Variants in EIF2S3 observed in about 807,000 individuals in gnomAD.
EIF2S3 encodes eukaryotic translation initiation factor 2 subunit 3.
A neutral mutation model predicts 31.7 loss-of-function variants in EIF2S3; 2 were observed. That is an observed-to-expected ratio of 0.06 (90% CI 0.03 to 0.20). EIF2S3 has a LOEUF of 0.20. Ranked by LOEUF, EIF2S3 falls within the 10% of genes least tolerant of loss-of-function variation. The probability of loss-of-function intolerance (pLI) is 1.00; values close to 1 mark genes in which losing one functional copy is unlikely to be tolerated. For synonymous variants in EIF2S3, 120 were observed against 126.7 expected (o/e 0.95, Z 0.36); for missense variants, 96 against 359.3 (o/e 0.27, Z 5.92).
Position 24,076,924 on chromosome X carries a change from C to CTTTTTTTTTTT in EIF2S3, c.*140_*141insTTTTTTTTTTT, listed in dbSNP as rs747088489. ...CTTAGTAGGTAACGGTAAGGTTATTCTCTTTTTTTTTTTTTTTTTTTTTGG... is the reference window on the plus strand; with the variant it reads ...CTTAGTAGGTAACGGTAAGGTTATTCTTTTTTTTTTTTCTTTTTTTTTTTTTTTTTTTTTGG... On this transcript the variant is annotated 3_prime_UTR_variant, in exon 12 of 12. Transcript: ENST00000253039. 2 of 117,649 alleles carry CTTTTTTTTTTT rather than the reference C, an allele frequency of 1.7e-5. No homozygotes were observed. The highest frequency in any genetic ancestry group is 1.8e-4 in the African/African-American group (2 of 11,089). 9.7% of individuals were successfully genotyped at this position (117,649 alleles called of 1,213,427 possible).
At chrX:24,058,543 T>C (rs201309307) in intron 4 of EIF2S3, among the ~76,000 whole-genome samples, 5 of 57,517 alleles carry the variant, frequency 8.7e-5, no homozygotes, top group South Asian at 5.9e-4. Flanking sequence ...TTTCTTTTTT[T>C]TTTTTTTTTT....
At chrX:24,066,734 G>A (rs1650805138) in intron 8 of EIF2S3, among the ~76,000 whole-genome samples, 1 of 110,740 alleles carries the variant, frequency 9.0e-6, no homozygotes, top group South Asian at 3.7e-4. Context: ...GGCTGGTCTT[G>A]AACTCCTTAC....
intron 11 of EIF2S3, 80 bp downstream of exon 11, chrX:24,073,343 T>C: frequency 9.2e-7 from 1 of 1,092,603 alleles, no homozygotes; most frequent in East Asian, 3.0e-5. Flanking sequence ...CAATCTTCCT[T>C]GAGGACAACA....
chrX:24,073,062 G>A (rs1452387474), intron 10 of EIF2S3, 29 bp from the exon 11 acceptor site: 2 of 1,178,741 alleles, frequency 1.7e-6, no homozygotes, highest in African/African-American at 3.6e-5. Context: ...TGATTTTGGG[G>A]TTTATTTTTC....
chrX:24,057,606 CAA>C, intron 3 of EIF2S3, 25 bp from the exon 4 acceptor site: 4 of 1,209,396 alleles, frequency 3.3e-6, no homozygotes, highest in Non-Finnish European at 4.5e-6. Flanking sequence ...GATAACAAAT[CAA>C]AATCTTTTTT....
chrX:24,059,793 A>G (rs535871749), intron 4 of EIF2S3, among the ~76,000 whole-genome samples: 2 of 111,863 alleles, frequency 1.8e-5, no homozygotes, highest in Non-Finnish European at 3.8e-5. Flanking sequence ...TTTAGCTTTC[A>G]AATCAATGAC....
chrX:24,055,009 A>G lies in EIF2S3; in HGVS notation c.41A>G (p.His14Arg). The G allele has an allele frequency of 8.3e-7, 1 of 1,211,114 alleles. No individual in the cohort carries two copies. Residue 14 changes from histidine to arginine, a missense_variant, in exon 1 of 12, where the codon CAT (histidine) becomes CGT (arginine). His to Arg is a conservative substitution (Grantham distance 29). Coordinates refer to ENST00000253039, the MANE Select transcript of EIF2S3 (RefSeq NM_001415.4). ...GCTGGAGTGACTCTAGGGCAGCCGC[A>G]TCTTTCGCGTCAGGATCTCACCACC... ...GEAGVTLGQP[H>R]LSRQDLTTLD...
chrX:24,058,334 A>G (rs1432824103), intron 4 of EIF2S3, among the ~76,000 whole-genome samples: 1 of 111,449 alleles, frequency 9.0e-6, no homozygotes, highest in African/African-American at 3.3e-5. Flanking sequence ...AGTAATTAGG[A>G]TAAATATTTT....
At chrX:24,058,096 C>G (rs1602040292) in intron 4 of EIF2S3, among the ~76,000 whole-genome samples, 1 of 112,307 alleles carries the variant, frequency 8.9e-6, no homozygotes, top group Non-Finnish European at 1.9e-5. Flanking sequence ...CTAATTACTT[C>G]TCTAAAACAC....
chrX:24,074,708 A>G (rs1303181761), intron 11 of EIF2S3, among the ~76,000 whole-genome samples: 1 of 110,030 alleles, frequency 9.1e-6, no homozygotes, highest in East Asian at 2.8e-4. Context: ...TAGTTATAAT[A>G]TGGACTCATG....
At position 24,062,587 on chromosome X, in the gene EIF2S3, A is replaced by G. The variant is rs759497307; in HGVS notation, c.637+13A>G. The G allele has an allele frequency of 8.3e-6, 10 of 1,203,420 alleles. No homozygotes were observed. The highest frequency in any genetic ancestry group is 1.1e-5 in the Non-Finnish European group (10 of 891,719). ...GCATTTGTCCAAGGTAAGAAGCCAT[A>G]ATATGAAATAAATCTATGAATCACT... On this transcript the variant is annotated intron_variant, in intron 6 of 11. Transcript: ENST00000253039.
chrX:24,070,439 G>GT (rs768908773), intron 9 of EIF2S3, among the ~76,000 whole-genome samples: 30,689 of 50,757 alleles, frequency 0.6, 10,575 homozygotes, highest in Non-Finnish European at 0.76. Context: ...ATCATATGTA[G>GT]TTTTTTTTTT....
At chrX:24,071,028 G>A (rs991120973) in intron 9 of EIF2S3, among the ~76,000 whole-genome samples, 1 of 111,070 alleles carries the variant, frequency 9.0e-6, no homozygotes, top group African/African-American at 3.3e-5. Flanking sequence ...CAAGAGAATC[G>A]TTCTGTTCTC....
intron 4 of EIF2S3, among the ~76,000 whole-genome samples, chrX:24,058,399 A>G (rs1019208253): frequency 2.7e-5 from 3 of 111,823 alleles, no homozygotes; most frequent in African/African-American, 9.7e-5. Flanking sequence ...AGAATTTTAA[A>G]TAAGGGCAGA....
chrX:24,073,460 A>G (rs778947600), intron 11 of EIF2S3, 197 bp downstream of exon 11: 1 of 401,321 alleles, frequency 2.5e-6, no homozygotes, highest in African/African-American at 2.5e-5. Flanking sequence ...TGGGAGGCCT[A>G]GGCGGGTGGA....
At chrX:24,073,307 C>T (rs780327228) in intron 11 of EIF2S3, 44 bp downstream of exon 11, 22 of 1,162,397 alleles carry the variant, frequency 1.9e-5, no homozygotes, top group South Asian at 1.2e-4. Context: ...AAAAAAGACA[C>T]AGTCTTGTAC....
At chrX:24,074,173 C>A (rs1435915966) in intron 11 of EIF2S3, among the ~76,000 whole-genome samples, 2 of 112,271 alleles carry the variant, frequency 1.8e-5, no homozygotes, top group Non-Finnish European at 3.8e-5. Context: ...TCTCTTTGAT[C>A]TTTAATCTGG....
At chrX:24,064,449 AT>A in intron 7 of EIF2S3, 114 bp downstream of exon 7, 3 of 962,320 alleles carry the variant, frequency 3.1e-6, no homozygotes, top group Admixed American at 3.6e-5. Flanking sequence ...AATTCATACA[AT>A]TTTTTTGAAA....
Position 24,071,540 on chromosome X carries a change from C to A in EIF2S3, c.1013-18C>A, listed in dbSNP as rs995518116. ...AGGAAATAAAAAATTGAGCTATATA[C>A]ATCTTATTTTTATATAGGAGTTGGA... On this transcript the variant is annotated intron_variant, in intron 9 of 11. Coordinates refer to ENST00000253039, the MANE Select transcript of EIF2S3 (RefSeq NM_001415.4). The A allele has an allele frequency of 3.0e-5, 36 of 1,200,335 alleles. No individual in the cohort carries two copies. In the East Asian group the frequency reaches 1.0e-3, roughly 35 times the overall value.
Sources: gnomAD v4.1 joint callset for allele counts (sites outside exome capture counted in the v4.1 genomes callset) on GRCh38, gnomAD v4.1.1 for gene constraint, MANE v1.5 for transcripts, NCBI Gene and HGNC (gene_info 2026-07-23, HGNC 2026-07-21) for gene names.